The following CCL26 variants were observed in gnomAD, a reference collection of about 807,000 sequenced individuals.
The protein encoded by CCL26 is C-C motif chemokine ligand 26, also known as C-C motif chemokine 26.
Under a neutral mutation model 10.7 loss-of-function variants are expected in CCL26, and 10 were observed. The ratio of observed to expected loss-of-function variants is 0.93; its 90% confidence interval spans 0.57 to 1.58. CCL26 has a LOEUF of 1.58. Among genes scored for constraint, CCL26 ranks in the 40% most tolerant of loss-of-function variants. The pLI, the probability that CCL26 is intolerant of heterozygous loss-of-function variation, is 0.00. For missense variants in CCL26, 116 were observed against 111.0 expected (o/e 1.05, Z -0.20); for synonymous variants, 43 against 41.4 (o/e 1.04, Z -0.15).
chr7:75,790,218 T>TCTTTCTTCCTTCCTTC (rs1554530641), upstream of CCL26, among the ~76,000 whole-genome samples: 24 of 66,854 alleles, frequency 3.6e-4, no homozygotes, highest in Non-Finnish European at 5.8e-4. Context: ...TTTCTTTCTT[T>TCTTTCTTCCTTCCTTC]CTTCCTTCCT....
At chr7:75,788,849 G>T (rs1178076058) in intron 1 of CCL26, among the ~76,000 whole-genome samples, 3 of 152,012 alleles carry the variant, frequency 2.0e-5, no homozygotes, top group Non-Finnish European at 4.4e-5. Flanking sequence ...CTTTATCTGG[G>T]TGCTGGTTCA....
chr7:75,771,181 C>A (rs1263457513), intron 2 of CCL26, among the ~76,000 whole-genome samples: 1 of 152,082 alleles, frequency 6.6e-6, no homozygotes, highest in Non-Finnish European at 1.5e-5. Flanking sequence ...AACTCCTGGG[C>A]TCAAGCGATC....
At chr7:75,771,072 T>A (rs1191164600) in intron 2 of CCL26, among the ~76,000 whole-genome samples, 1 of 151,506 alleles carries the variant, frequency 6.6e-6, no homozygotes, top group Non-Finnish European at 1.5e-5. Context: ...GGGGGATAAC[T>A]GTAATTCACT....
upstream of CCL26, chr7:75,772,339 A>G (rs1554528262): frequency 1.6e-6 from 1 of 616,174 alleles, no homozygotes; most frequent in African/African-American, 1.9e-5. Flanking sequence ...TAATACTCAT[A>G]GGAATGAAAT....
chr7:75,773,491 G>A (rs999355658), upstream of CCL26, among the ~76,000 whole-genome samples: 5 of 152,072 alleles, frequency 3.3e-5, no homozygotes, highest in Admixed American at 2.0e-4. Context: ...CTTGGCTCAA[G>A]TGACTGTCTC....
upstream of CCL26, among the ~76,000 whole-genome samples, chr7:75,773,126 A>G (rs1388821140): frequency 6.6e-6 from 1 of 152,140 alleles, no homozygotes; most frequent in Non-Finnish European, 1.5e-5. Flanking sequence ...TGAGAGATCT[A>G]ACAGATCCCA....
At chr7:75,788,091 C>T (rs938268938) in intron 1 of CCL26, among the ~76,000 whole-genome samples, 33 of 151,968 alleles carry the variant, frequency 2.2e-4, no homozygotes, top group African/African-American at 8.0e-4. Flanking sequence ...ATACCACCCC[C>T]AAAAATTTTC....
At chr7:75,777,623 C>G (rs1323953587) in intron 1 of CCL26, among the ~76,000 whole-genome samples, 1 of 150,486 alleles carries the variant, frequency 6.6e-6, no homozygotes, top group African/African-American at 2.5e-5. Flanking sequence ...GTGGTACATG[C>G]CTTTGGTCCC....
rs146970662 is a variant in CCL26 at position 75,788,105 on chromosome 7, G to A, written c.-79+1612C>T. Among the ~76,000 whole-genome samples the A allele has an allele frequency of 8.8e-3, 1,335 of 151,616 alleles. 23 individuals are homozygous for A. The highest frequency in any genetic ancestry group is 0.03 in the African/African-American group (1,230 of 41,302). ...CATACCACCCCCAAAAATTTTCGCC[G>A]CCCCAATACTTTACCACTATTTCGT... On this transcript the variant is annotated intron_variant, in intron 1 of 3. Transcript: ENST00000394905.
chr7:75,769,860 GAGGGGC>G, intron 2 of CCL26, 71 bp from the exon 3 acceptor site: 1 of 932,726 alleles, frequency 1.1e-6, no homozygotes, highest in Non-Finnish European at 1.8e-6. Context: ...GAAAGGGAAG[GAGGGGC>G]AGCTCTCTCA....
intron 1 of CCL26, among the ~76,000 whole-genome samples, chr7:75,787,027 C>G (rs529393388): frequency 6.6e-6 from 1 of 152,220 alleles, no homozygotes; most frequent in African/African-American, 2.4e-5. Flanking sequence ...GGGGATTTGC[C>G]CCCGCCCAGG....
chr7:75,787,651 CAAAAA>C (rs55770109), intron 1 of CCL26, among the ~76,000 whole-genome samples: 5 of 27,748 alleles, frequency 1.8e-4, no homozygotes, highest in South Asian at 3.0e-3. Flanking sequence ...TCTCCAAAAG[CAAAAA>C]AAAAAAAAAA....
upstream of CCL26, among the ~76,000 whole-genome samples, chr7:75,773,448 G>T (rs1164921010): frequency 1.3e-5 from 2 of 151,428 alleles, no homozygotes; most frequent in Non-Finnish European, 2.9e-5. Flanking sequence ...TAGAGATGAG[G>T]TCTCTCTATG....
chr7:75,782,425 G>C lies in CCL26; in HGVS notation c.-79+7292C>G, dbSNP rs1208849523. On this transcript the variant is annotated intron_variant, in intron 1 of 3. Transcript: ENST00000394905. The stretch of plus-strand genomic sequence containing the variant: ...GTCAATTGCGGGGACACCTGGTTTG[G>C]CTGCTCACCCACATTGCAGCCCAGG... 2.0e-5 allele frequency among the ~76,000 whole-genome samples: 3 copies of C among 152,128 alleles called. No individual in the cohort carries two copies. In the East Asian group the frequency reaches 5.8e-4, roughly 29 times the overall value.
At chr7:75,791,574 T>A (rs1376591298), upstream of CCL26, among the ~76,000 whole-genome samples, 2 of 151,922 alleles carry the variant, frequency 1.3e-5, no homozygotes, top group East Asian at 1.9e-4. Flanking sequence ...TTCCCACTTC[T>A]CGGCCTCTCA....
intron 2 of CCL26, among the ~76,000 whole-genome samples, chr7:75,770,934 G>T (rs1227500425): frequency 6.6e-6 from 1 of 152,152 alleles, no homozygotes; most frequent in Non-Finnish European, 1.5e-5. Context: ...AACTCTGTGG[G>T]CCCACTCATA....
At chr7:75,784,137 C>A (rs1158808412) in intron 1 of CCL26, among the ~76,000 whole-genome samples, 2 of 152,186 alleles carry the variant, frequency 1.3e-5, no homozygotes, top group Non-Finnish European at 2.9e-5. Flanking sequence ...ACAAGAGCTT[C>A]CAAACGCCTG....
chr7:75,771,605 A>G (rs1013469515), intron 2 of CCL26, among the ~76,000 whole-genome samples: 2 of 152,188 alleles, frequency 1.3e-5, no homozygotes, highest in Non-Finnish European at 2.9e-5. Flanking sequence ...AATTCCAGCT[A>G]CTTGGGAGGC....
At chr7:75,770,036 G>A (rs1277328718) in intron 2 of CCL26, among the ~76,000 whole-genome samples, 1 of 151,022 alleles carries the variant, frequency 6.6e-6, no homozygotes, top group Non-Finnish European at 1.5e-5. Context: ...ACCAGTTCTA[G>A]CCTGCAGCAT....
Sources: allele counts gnomAD v4.1 joint callset (sites outside exome capture counted in the v4.1 genomes callset), GRCh38; gene constraint gnomAD v4.1.1; transcripts MANE v1.5; gene names NCBI Gene and HGNC (gene_info 2026-07-23, HGNC 2026-07-21).